CDH13: variants seen among roughly 807,000 people sequenced by gnomAD.
CDH13 encodes cadherin-13.
Under a neutral mutation model 63.8 loss-of-function variants are expected in CDH13, and 24 were observed. That is an observed-to-expected ratio of 0.38 (90% CI 0.27 to 0.53). The LOEUF is 0.53. CDH13 is among the 20% of genes least tolerant of loss of function. The pLI is 0.85. For synonymous variants in CDH13, 503 were observed against 355.3 expected, an observed-to-expected ratio of 1.42 and a Z score of -4.67; for missense variants, 1,049 against 903.1, an observed-to-expected ratio of 1.16 and a Z score of -2.07.
intron 1 of CDH13, among the ~76,000 whole-genome samples, chr16:82,700,999 T>A (rs1018499439): frequency 1.1e-5 from 1 of 88,670 alleles, no homozygotes; most frequent in Non-Finnish European, 2.2e-5. Flanking sequence ...CAAACTGCTG[T>A]CCTGTGGATA....
rs192409074 is a variant in CDH13 at position 83,046,970 on chromosome 16, T to C, written c.366+14752T>C. On this transcript the variant is annotated intron_variant, in intron 3 of 13. Transcript: ENST00000567109. The stretch of plus-strand genomic sequence containing the variant: ...CTGTGTCTCCTGCCTCCCAGCTGTT[T>C]ATGGAAATCAGATGGTTTCCTCAAC... 2.0e-5 allele frequency among the ~76,000 whole-genome samples: 3 copies of C among 152,340 alleles called. No homozygotes were observed. In the East Asian group the frequency reaches 5.8e-4, roughly 29 times the overall value.
chr16:83,529,537 T>C (rs2075036751), intron 7 of CDH13, among the ~76,000 whole-genome samples: 1 of 152,176 alleles, frequency 6.6e-6, no homozygotes, highest in Non-Finnish European at 1.5e-5. Flanking sequence ...CAGAGCAATG[T>C]ACACAGCTTA....
chr16:82,627,178 T>G, intron 1 of CDH13, 41 bp downstream of exon 1: 3 of 1,557,454 alleles, frequency 1.9e-6, no homozygotes, highest in Middle Eastern at 2.1e-4. Context: ...GCGCCCCGTT[T>G]CTGCATTCGG....
Position 83,324,080 on chromosome 16 carries a change from C to T in CDH13, c.637-20782C>T, listed in dbSNP as rs556878923. On this transcript the variant is annotated intron_variant, in intron 5 of 13. Transcript: ENST00000567109. ...TGAGGTGGAGTCTCACTCTGTTACC[C>T]AAGCCGGAGTGCAATGGCACAATCT... Among the ~76,000 whole-genome samples the T allele has an allele frequency of 2.7e-5, 4 of 149,912 alleles. No homozygotes were observed. The East Asian group carries it at 7.9e-4, about 29-fold the overall frequency.
chr16:83,015,697 A>G (rs1486251674), intron 2 of CDH13, among the ~76,000 whole-genome samples: 15 of 113,108 alleles, frequency 1.3e-4, no homozygotes, highest in South Asian at 6.0e-4. Flanking sequence ...ATATATATAT[A>G]TATATATATA....
chr16:83,333,449 C>T (rs1208321616), intron 5 of CDH13, among the ~76,000 whole-genome samples: 1 of 152,004 alleles, frequency 6.6e-6, no homozygotes, highest in South Asian at 2.1e-4. Context: ...GCCCAGCCTC[C>T]CCCTGCTCTT....
At chr16:82,756,811 G>A (rs536706856) in intron 1 of CDH13, among the ~76,000 whole-genome samples, 1 of 152,292 alleles carries the variant, frequency 6.6e-6, no homozygotes, top group African/African-American at 2.4e-5. Context: ...GAAAATTGAT[G>A]ATGAGAGAGA....
At chr16:83,725,836 A>G (rs985547574) in intron 10 of CDH13, 1 of 152,264 alleles carries the variant, frequency 6.6e-6, no homozygotes, top group African/African-American at 2.4e-5. Context: ...AGCTGGACAG[A>G]ATACAAACTA....
intron 7 of CDH13, among the ~76,000 whole-genome samples, chr16:83,517,302 A>C (rs2074719814): frequency 6.6e-6 from 1 of 152,232 alleles, no homozygotes; most frequent in Non-Finnish European, 1.5e-5. Context: ...TCAGGGCTAG[A>C]TTAGGTTATG....
rs1025758877 is a variant in CDH13, at chr16:83,378,547, G to T, written c.781+33541G>T. Among the ~76,000 whole-genome samples the T allele has an allele frequency of 8.5e-5, 13 of 152,198 alleles. 1 individual carries two copies. The highest frequency in any genetic ancestry group is 5.9e-4 in the Admixed American group (9 of 15,282). ...CCATACCTTCAGGTGGGATGCAACTGTGAGTCTGTGTACATGGCCCAGAAG... is the reference window on the plus strand; with the variant it reads ...CCATACCTTCAGGTGGGATGCAACTTTGAGTCTGTGTACATGGCCCAGAAG... On this transcript the variant is annotated intron_variant, in intron 6 of 13. Transcript: ENST00000567109.
intron 4 of CDH13, among the ~76,000 whole-genome samples, chr16:83,213,410 C>T (rs907138813): frequency 1.2e-4 from 18 of 152,192 alleles, no homozygotes; most frequent in Admixed American, 3.3e-4. Flanking sequence ...AGGCCCATTC[C>T]CCCACCCCCT....
At chr16:83,498,102 T>C (rs1374235909) in intron 7 of CDH13, among the ~76,000 whole-genome samples, 1 of 152,184 alleles carries the variant, frequency 6.6e-6, no homozygotes, top group African/African-American at 2.4e-5. Flanking sequence ...CATCTAGACA[T>C]TGACTAAATA....
intron 2 of CDH13, among the ~76,000 whole-genome samples, chr16:82,894,692 C>T (rs529623530): frequency 1.6e-5 from 1 of 62,188 alleles, no homozygotes; most frequent in African/African-American, 7.9e-5. Flanking sequence ...GTGAAAACAT[C>T]CCAGAAAAAA....
At chr16:82,910,797 G>A (rs1267078144) in intron 2 of CDH13, among the ~76,000 whole-genome samples, 1 of 152,152 alleles carries the variant, frequency 6.6e-6, no homozygotes, top group Admixed American at 6.5e-5. Flanking sequence ...TTTAGAGAAT[G>A]GGATTTCCAA....
chr16:83,199,196 C>G (rs1255447694), intron 4 of CDH13, among the ~76,000 whole-genome samples: 2 of 152,218 alleles, frequency 1.3e-5, no homozygotes, highest in Non-Finnish European at 2.9e-5. Context: ...TGCCTTGTGA[C>G]AGTTAGCACC....
chr16:83,167,493 C>G (rs1046075002), intron 4 of CDH13, among the ~76,000 whole-genome samples: 1 of 112,340 alleles, frequency 8.9e-6, no homozygotes, highest in African/African-American at 4.3e-5. Flanking sequence ...GAGTGAGACC[C>G]TTTCCCAAAA....
intron 10 of CDH13, among the ~76,000 whole-genome samples, chr16:83,700,024 A>G (rs1905978888): frequency 6.6e-6 from 1 of 152,174 alleles, no homozygotes; most frequent in South Asian, 2.1e-4. Context: ...TAGATCGTGC[A>G]TGTGTCTAGC....
At chr16:82,730,553 A>G (rs74028592) in intron 1 of CDH13, among the ~76,000 whole-genome samples, 2,715 of 152,330 alleles carry the variant, frequency 0.018, 63 homozygotes, top group African/African-American at 0.059. Flanking sequence ...AAGATCACTG[A>G]TCACAGATCA....
At chr16:83,015,723 A>ATATATATATATAT (rs1293160001) in intron 2 of CDH13, among the ~76,000 whole-genome samples, 74 of 125,670 alleles carry the variant, frequency 5.9e-4, no homozygotes, top group Non-Finnish European at 7.4e-4. Flanking sequence ...ATATATATAT[A>ATATATATATATAT]AAGAAAAAGC....
Sources: gnomAD v4.1 joint callset for allele counts (sites outside exome capture counted in the v4.1 genomes callset) on GRCh38, gnomAD v4.1.1 for gene constraint, MANE v1.5 for transcripts, NCBI Gene and HGNC (gene_info 2026-07-23, HGNC 2026-07-21) for gene names.